Variants in PXDNL observed in about 807,000 individuals in gnomAD.
PXDNL encodes the protein probable oxidoreductase PXDNL.
In PXDNL, 145 loss-of-function variants were observed where a neutral mutation model predicts 150.8. That is an observed-to-expected ratio of 0.96 (90% CI 0.84 to 1.10). The LOEUF is 1.10. Among genes scored for constraint, PXDNL ranks in the 50% least tolerant of loss-of-function variants. The pLI, the probability that PXDNL is intolerant of heterozygous loss-of-function variation, is 0.00. For synonymous variants in PXDNL, 757 were observed against 725.7 expected, an observed-to-expected ratio of 1.04 and a Z score of -0.69; for missense variants, 2,087 against 1,873.9, an observed-to-expected ratio of 1.11 and a Z score of -2.10.
chr8:51,795,928 AC>A (rs1439866056), intron 1 of PXDNL, among the ~76,000 whole-genome samples: 1 of 152,214 alleles, frequency 6.6e-6, no homozygotes, highest in Non-Finnish European at 1.5e-5. Context: ...GACATCGTGC[AC>A]CCGCAAATGA....
chr8:51,619,961 T>C (rs1020321217), intron 2 of PXDNL, among the ~76,000 whole-genome samples: 1 of 152,134 alleles, frequency 6.6e-6, no homozygotes, highest in Non-Finnish European at 1.5e-5. Flanking sequence ...TTTTGAAGGC[T>C]CCCATATCTC....
chr8:51,440,725 CAG>C (rs1428944155), intron 12 of PXDNL, among the ~76,000 whole-genome samples: 1 of 152,154 alleles, frequency 6.6e-6, no homozygotes, highest in South Asian at 2.1e-4. Flanking sequence ...AATTGGGACA[CAG>C]AGAAATACCT....
intron 1 of PXDNL, among the ~76,000 whole-genome samples, chr8:51,660,894 C>A (rs1473405497): frequency 6.6e-6 from 1 of 152,132 alleles, no homozygotes; most frequent in African/African-American, 2.4e-5. Context: ...TCACTCCAAT[C>A]AGCCCTGCTC....
intron 22 of PXDNL, 107 bp from the exon 23 acceptor site, chr8:51,320,129 A>C: frequency 1.4e-5 from 14 of 998,092 alleles, no homozygotes; most frequent in Non-Finnish European, 1.8e-5. Flanking sequence ...TGACTGTCTC[A>C]ATATAATAAA....
At chr8:51,697,557 T>C (rs1816174578) in intron 1 of PXDNL, among the ~76,000 whole-genome samples, 1 of 152,084 alleles carries the variant, frequency 6.6e-6, no homozygotes, top group Admixed American at 6.6e-5. Flanking sequence ...CTCAAACATC[T>C]TGGAGAGTAT....
intron 1 of PXDNL, among the ~76,000 whole-genome samples, chr8:51,801,180 AGT>A (rs2037615557): frequency 3.3e-5 from 5 of 152,070 alleles, no homozygotes; most frequent in Admixed American, 2.0e-4. Flanking sequence ...CCGCTCTGGG[AGT>A]GTCTGTCCTA....
chr8:51,642,721 G>T (rs548885985), intron 2 of PXDNL, among the ~76,000 whole-genome samples: 1 of 152,302 alleles, frequency 6.6e-6, no homozygotes, highest in African/African-American at 2.4e-5. Flanking sequence ...GAAATAAAGG[G>T]TATTCAATTA....
intron 5 of PXDNL, among the ~76,000 whole-genome samples, chr8:51,497,044 G>T (rs1220830782): frequency 2.6e-5 from 4 of 152,136 alleles, no homozygotes; most frequent in Non-Finnish European, 5.9e-5. Flanking sequence ...ATACTACAAG[G>T]CTACAGTAAC....
chr8:51,570,792 T>A (rs1162531404), intron 3 of PXDNL, among the ~76,000 whole-genome samples: 1 of 151,850 alleles, frequency 6.6e-6, no homozygotes, highest in Non-Finnish European at 1.5e-5. Flanking sequence ...ATAAACTGTA[T>A]AAAATGGTAA....
intron 2 of PXDNL, among the ~76,000 whole-genome samples, chr8:51,625,469 A>G (rs181420338): frequency 1.5e-4 from 23 of 152,322 alleles, no homozygotes; most frequent in Middle Eastern, 3.4e-3. Context: ...CCAACTGCAT[A>G]GACTCTTTAA....
chr8:51,370,963 C>T (rs937167796), intron 19 of PXDNL, among the ~76,000 whole-genome samples: 3 of 152,212 alleles, frequency 2.0e-5, no homozygotes, highest in Admixed American at 6.5e-5. Flanking sequence ...TCTAGTACTA[C>T]TTAGGTACTG....
chr8:51,556,939 T>G, intron 3 of PXDNL, 28 bp from the exon 4 acceptor site: 1 of 1,326,664 alleles, frequency 7.5e-7, no homozygotes, highest in South Asian at 1.2e-5. Context: ...TGTCATTAAA[T>G]TATAAATTAG....
At chr8:51,365,729 T>C (rs28840429) in intron 19 of PXDNL, among the ~76,000 whole-genome samples, 1,916 of 152,208 alleles carry the variant, frequency 0.013, 35 homozygotes, top group African/African-American at 0.044. Flanking sequence ...AAACCCAAAA[T>C]GATGGTAACT....
chr8:51,556,922 T>C lies in PXDNL; in HGVS notation c.309-11A>G, dbSNP rs1456039122. 1.4e-6 allele frequency: 2 copies of C among 1,442,258 alleles called. No individual in the cohort carries two copies. Among genetic ancestry groups the C allele is most frequent in the Non-Finnish European group, 1.9e-6 (2 of 1,025,764 alleles). The allele number at this position is 1,442,258 out of a possible 1,614,324, so 89.3% of individuals were successfully genotyped here. ...TTCTTATACAGGTACCTGGAAAATA[T>C]ATAGAATGTCATTAAATTATAAATT... On this transcript the variant is annotated splice_polypyrimidine_tract_variant and intron_variant, in intron 3 of 22. Coordinates refer to ENST00000356297, the MANE Select transcript of PXDNL (RefSeq NM_144651.5).
chr8:51,774,613 T>G (rs1159238334), intron 1 of PXDNL, among the ~76,000 whole-genome samples: 1 of 151,922 alleles, frequency 6.6e-6, no homozygotes. Context: ...AGTCAGGAGA[T>G]CGAGACCATC....
At chr8:51,702,660 G>A (rs1222516499) in intron 1 of PXDNL, among the ~76,000 whole-genome samples, 2 of 152,134 alleles carry the variant, frequency 1.3e-5, no homozygotes, top group South Asian at 2.1e-4. Context: ...TCACATGGAT[G>A]TAATAACAGT....
Position 51,320,041 on chromosome 8 carries a change from A to C in PXDNL, c.4261-19T>G. The C allele has an allele frequency of 7.0e-7, 1 of 1,422,108 alleles. No individual in the cohort carries two copies. Among genetic ancestry groups the C allele is most frequent in the African/African-American group, 1.4e-5 (1 of 68,984 alleles). The allele number at this position is 1,422,108 out of a possible 1,614,324, so 88.1% of individuals were successfully genotyped here. The stretch of plus-strand genomic sequence containing the variant: ...GGCCACTCTGAAAGGCAGCATGCAC[A>C]TATCACCTCCATGTTTCTTATAATC... On this transcript the variant is annotated intron_variant, in intron 22 of 22. Transcript: ENST00000356297.
chr8:51,805,572 A>G (rs1184045766), intron 1 of PXDNL, among the ~76,000 whole-genome samples: 6 of 151,786 alleles, frequency 4.0e-5, no homozygotes, highest in Non-Finnish European at 5.9e-5. Flanking sequence ...ATGACTGAGC[A>G]TAAGACATTT....
intron 19 of PXDNL, among the ~76,000 whole-genome samples, chr8:51,359,995 C>T (rs899370737): frequency 1.1e-4 from 14 of 128,930 alleles, no homozygotes; most frequent in Non-Finnish European, 1.9e-4. Context: ...CACAAGTACT[C>T]AATTTGAAAG....
Sources: allele counts gnomAD v4.1 joint callset (sites outside exome capture counted in the v4.1 genomes callset), GRCh38; gene constraint gnomAD v4.1.1; transcripts MANE v1.5; gene names NCBI Gene and HGNC (gene_info 2026-07-23, HGNC 2026-07-21).